FOXP2: variants seen among roughly 807,000 people sequenced by gnomAD.
FOXP2 encodes forkhead box protein P2.
Under a neutral mutation model 115.8 loss-of-function variants are expected in FOXP2, and 12 were observed. That is an observed-to-expected ratio of 0.10 (90% CI 0.07 to 0.17). FOXP2 has a LOEUF of 0.17. FOXP2 is among the 10% of genes least tolerant of loss of function. FOXP2 has a pLI of 1.00. For synonymous variants in FOXP2, 328 were observed against 297.7 expected (o/e 1.10, Z -1.05); for missense variants, 629 against 843.5 (o/e 0.75, Z 3.15).
chr7:114,178,912 C>T (rs901633961), intron 1 of FOXP2, among the ~76,000 whole-genome samples: 6 of 151,796 alleles, frequency 4.0e-5, no homozygotes, highest in African/African-American at 9.7e-5. Context: ...TCTTTATGAA[C>T]GTCAACACAA....
intron 2 of FOXP2, among the ~76,000 whole-genome samples, chr7:114,339,838 A>G (rs769380202): frequency 6.6e-6 from 1 of 151,124 alleles, no homozygotes; most frequent in Non-Finnish European, 1.5e-5. Context: ...ATGATTACCT[A>G]GAATTAAAGC....
intron 2 of FOXP2, among the ~76,000 whole-genome samples, chr7:114,492,262 C>T (rs1324522892): frequency 1.3e-5 from 2 of 152,038 alleles, no homozygotes; most frequent in African/African-American, 2.4e-5. Flanking sequence ...GTGATATCCC[C>T]TTTATCATTT....
chr7:114,088,706 T>C (rs982225169), intron 1 of FOXP2, among the ~76,000 whole-genome samples: 2 of 152,232 alleles, frequency 1.3e-5, no homozygotes, highest in African/African-American at 4.8e-5. Flanking sequence ...CCTTGGGAAA[T>C]GTTTTATGTT....
At chr7:114,403,930 T>C (rs1483352561) in intron 2 of FOXP2, among the ~76,000 whole-genome samples, 1 of 152,206 alleles carries the variant, frequency 6.6e-6, no homozygotes, top group African/African-American at 2.4e-5. Context: ...TATAGTTTAT[T>C]ATTCAGCAAC....
chr7:114,228,184 C>T (rs954456731), intron 1 of FOXP2, among the ~76,000 whole-genome samples: 2 of 151,960 alleles, frequency 1.3e-5, no homozygotes, highest in African/African-American at 2.4e-5. Flanking sequence ...TATTCAAGTG[C>T]GTACTTTCCA....
At chr7:114,589,721 G>C (rs994607036) in intron 3 of FOXP2, among the ~76,000 whole-genome samples, 1 of 152,118 alleles carries the variant, frequency 6.6e-6, no homozygotes, top group Non-Finnish European at 1.5e-5. Flanking sequence ...TCTCAATGGT[G>C]GATTTTAATT....
chr7:114,110,844 T>C (rs2129142149), intron 1 of FOXP2, among the ~76,000 whole-genome samples: 1 of 152,274 alleles, frequency 6.6e-6, no homozygotes, highest in Middle Eastern at 3.4e-3. Context: ...ATAAGAGCTT[T>C]AAGAATTTAG....
intron 3 of FOXP2, among the ~76,000 whole-genome samples, chr7:114,554,119 A>G (rs1800341432): frequency 6.6e-6 from 1 of 152,136 alleles, no homozygotes; most frequent in African/African-American, 2.4e-5. Flanking sequence ...TTTAATATTA[A>G]CCAAATTTTA....
chr7:114,354,373 A>C (rs915857123), intron 2 of FOXP2, among the ~76,000 whole-genome samples: 1 of 152,128 alleles, frequency 6.6e-6, no homozygotes, highest in Non-Finnish European at 1.5e-5. Context: ...CCTGTCACAC[A>C]TACTCATATA....
chr7:114,325,332 C>T (rs1423912861), intron 2 of FOXP2, among the ~76,000 whole-genome samples: 2 of 151,740 alleles, frequency 1.3e-5, no homozygotes, highest in African/African-American at 4.8e-5. Context: ...TCCATTTTTT[C>T]CCCATGTTAT....
chr7:114,449,532 G>C (rs1300252051), intron 2 of FOXP2, among the ~76,000 whole-genome samples: 1 of 152,052 alleles, frequency 6.6e-6, no homozygotes, highest in Non-Finnish European at 1.5e-5. Context: ...ACTAGAAACT[G>C]TATGTATCTG....
intron 3 of FOXP2, among the ~76,000 whole-genome samples, chr7:114,551,629 T>C (rs1181260529): frequency 6.6e-6 from 1 of 152,142 alleles, no homozygotes; most frequent in Non-Finnish European, 1.5e-5. Flanking sequence ...AGGTAAGTAA[T>C]ATGATTAGAG....
intron 2 of FOXP2, among the ~76,000 whole-genome samples, chr7:114,440,983 G>T (rs1794573610): frequency 2.0e-5 from 3 of 152,090 alleles, no homozygotes; most frequent in Non-Finnish European, 4.4e-5. Flanking sequence ...TGTAACCTTT[G>T]CTATTGAAAT....
intron 16 of FOXP2, among the ~76,000 whole-genome samples, chr7:114,678,867 A>T (rs1807920801): frequency 6.6e-6 from 1 of 152,162 alleles, no homozygotes; most frequent in African/African-American, 2.4e-5. Context: ...AAAGATTCAT[A>T]GAGGTTGCTT....
intron 16 of FOXP2, 90 bp downstream of exon 16, chr7:114,664,526 ATAAG>A (rs1807061137): frequency 1.4e-6 from 2 of 1,451,600 alleles, no homozygotes; most frequent in African/African-American, 2.8e-5. Context: ...TTACTGTTGT[ATAAG>A]TTGAAAATAC....
intron 2 of FOXP2, among the ~76,000 whole-genome samples, chr7:114,512,880 G>A (rs1256533879): frequency 2.6e-5 from 4 of 151,992 alleles, no homozygotes; most frequent in Admixed American, 2.6e-4. Context: ...TCAAGAGATC[G>A]ATACCATCCT....
intron 2 of FOXP2, among the ~76,000 whole-genome samples, chr7:114,332,582 T>A (rs115404760): frequency 6.6e-6 from 1 of 152,198 alleles, no homozygotes; most frequent in African/African-American, 2.4e-5. Flanking sequence ...TCACATACTG[T>A]ATTTTATTTG....
intron 1 of FOXP2, among the ~76,000 whole-genome samples, chr7:114,268,902 A>G (rs936501096): frequency 3.3e-5 from 5 of 152,162 alleles, no homozygotes; most frequent in African/African-American, 1.2e-4. Context: ...CTTATTTTGA[A>G]CAAATCAGAT....
chr7:114,378,676 C>A (rs542257892), intron 2 of FOXP2, among the ~76,000 whole-genome samples: 24 of 1,754 alleles, frequency 0.014, no homozygotes, highest in South Asian at 0.071. Flanking sequence ...AATGTAAGAC[C>A]CTGTCTCCAA....
Sources: gnomAD v4.1 joint callset for allele counts (sites outside exome capture counted in the v4.1 genomes callset) on GRCh38, gnomAD v4.1.1 for gene constraint, MANE v1.5 for transcripts, NCBI Gene and HGNC (gene_info 2026-07-23, HGNC 2026-07-21) for gene names.